PCDH15: variants seen among roughly 807,000 people sequenced by gnomAD.
The protein encoded by PCDH15 is protocadherin related 15.
Under a neutral mutation model 178.5 loss-of-function variants are expected in PCDH15, and 129 were observed. The observed-to-expected ratio is 0.72, with a 90% CI of 0.63 to 0.84. The LOEUF is 0.84. Ranked by LOEUF, PCDH15 falls within the 40% of genes least tolerant of loss-of-function variation. PCDH15 has a pLI of 0.00. For missense variants in PCDH15, 2,230 were observed against 2,099.9 expected (o/e 1.06, Z -1.21); for synonymous variants, 800 against 732.0 (o/e 1.09, Z -1.50).
chr10:54,271,241 CGCTCTG>C (rs1229564157), intron 8 of PCDH15, among the ~76,000 whole-genome samples: 1 of 152,034 alleles, frequency 6.6e-6, no homozygotes, highest in Non-Finnish European at 1.5e-5. Context: ...GACAGAGTGT[CGCTCTG>C]TCACCTAGGC....
At chr10:54,344,176 T>G (rs548764693) in intron 6 of PCDH15, among the ~76,000 whole-genome samples, 46 of 152,316 alleles carry the variant, frequency 3.0e-4, no homozygotes, top group African/African-American at 1.1e-3. Context: ...CTTCAATACA[T>G]CCTAAGTTAA....
At chr10:54,223,783 A>G (rs11004148) in intron 9 of PCDH15, among the ~76,000 whole-genome samples, 8,289 of 152,060 alleles carry the variant, frequency 0.055, 557 homozygotes, top group African/African-American at 0.17. Context: ...CATCTAGAGG[A>G]AAGGCCCTCT....
At chr10:54,678,602 C>T (rs2152565) in intron 1 of PCDH15, among the ~76,000 whole-genome samples, 97,406 of 151,896 alleles carry the variant, frequency 0.64, 31,714 homozygotes, top group Non-Finnish European at 0.68. Flanking sequence ...GCATGACAAA[C>T]GTTCCCTGTA....
chr10:54,768,617 A>G (rs1948763949), intron 1 of PCDH15, among the ~76,000 whole-genome samples: 1 of 152,172 alleles, frequency 6.6e-6, no homozygotes, highest in Admixed American at 6.5e-5. Flanking sequence ...GAAGTGAAGG[A>G]CACCCCATAT....
chr10:54,666,813 C>G (rs1405551604), intron 1 of PCDH15, among the ~76,000 whole-genome samples: 1 of 151,934 alleles, frequency 6.6e-6, no homozygotes, highest in African/African-American at 2.4e-5. Flanking sequence ...GATCTGCCAG[C>G]TTGACTTCCT....
intron 3 of PCDH15, among the ~76,000 whole-genome samples, chr10:54,885,437 G>A (rs887105773): frequency 4.6e-5 from 7 of 151,936 alleles, no homozygotes; most frequent in African/African-American, 1.7e-4. Context: ...CTGGGAAGAA[G>A]GCAGAGGTTT....
intron 2 of PCDH15, among the ~76,000 whole-genome samples, chr10:55,422,323 T>C (rs1309785391): frequency 6.6e-6 from 1 of 151,842 alleles, no homozygotes; most frequent in African/African-American, 2.4e-5. Flanking sequence ...AGAATCCTTA[T>C]AAAATGAAGA....
intron 35 of PCDH15, among the ~76,000 whole-genome samples, chr10:53,812,895 A>G (rs1406177173): frequency 2.0e-5 from 3 of 152,178 alleles, no homozygotes; most frequent in Non-Finnish European, 4.4e-5. Context: ...ATGAGTCAGG[A>G]AATAAAAAGC....
At chr10:54,436,043 AGAG>A (rs2136079881) in intron 3 of PCDH15, among the ~76,000 whole-genome samples, 37 of 136,972 alleles carry the variant, frequency 2.7e-4, no homozygotes, top group African/African-American at 1.1e-3. Flanking sequence ...AGAGAGAGAG[AGAG>A]AGAGAAAAGA....
At chr10:55,545,425 G>A (rs1467660965) in intron 2 of PCDH15, among the ~76,000 whole-genome samples, 5 of 151,974 alleles carry the variant, frequency 3.3e-5, no homozygotes, top group African/African-American at 4.8e-5. Context: ...ACAGGTGCAC[G>A]CTGCCACACC....
intron 2 of PCDH15, among the ~76,000 whole-genome samples, chr10:54,995,386 C>T (rs1451690884): frequency 3.4e-5 from 2 of 58,420 alleles, no homozygotes; most frequent in Non-Finnish European, 6.1e-5. Flanking sequence ...AGCGAGACTC[C>T]GTCTCAAAAA....
Position 53,996,026 on chromosome 10 carries a change from G to A in PCDH15, c.2752-261C>T, listed in dbSNP as rs565979374. Among the ~76,000 whole-genome samples, 5 of 152,252 alleles carry A rather than the reference G, an allele frequency of 3.3e-5. No homozygotes were observed. In the East Asian group the frequency reaches 9.6e-4, roughly 29 times the overall value. Reference sequence around the variant, plus strand: ...CACCCTCAAAAACATGCCTTTTGGAGACTGAAGTGACCCTGGAATTTTTTT... The same window carrying A: ...CACCCTCAAAAACATGCCTTTTGGAAACTGAAGTGACCCTGGAATTTTTTT... On this transcript the variant is annotated intron_variant, in intron 20 of 37. Coordinates refer to ENST00000644397, the MANE Select transcript of PCDH15 (RefSeq NM_001384140.1).
intron 19 of PCDH15, among the ~76,000 whole-genome samples, chr10:54,021,333 T>G (rs1188467303): frequency 6.6e-6 from 1 of 152,040 alleles, no homozygotes. Flanking sequence ...AAACACCTCC[T>G]ATGGTGAACC....
chr10:54,807,844 GC>G (rs1952802927), intron 3 of PCDH15, among the ~76,000 whole-genome samples: 1 of 150,996 alleles, frequency 6.6e-6, no homozygotes, highest in Non-Finnish European at 1.5e-5. Context: ...TTATTTTTAG[GC>G]TGTAAATTAT....
intron 2 of PCDH15, among the ~76,000 whole-genome samples, chr10:55,451,226 T>C (rs968041222): frequency 2.0e-4 from 31 of 151,938 alleles, no homozygotes; most frequent in Admixed American, 6.6e-5. Flanking sequence ...GGGCCAAGCG[T>C]GGTGGCTCAC....
Position 54,984,738 on chromosome 10 carries a change from C to T in PCDH15, c.-79-87238G>A, listed in dbSNP as rs117926154. 2.0e-4 allele frequency among the ~76,000 whole-genome samples: 30 copies of T among 152,152 alleles called. 1 individual carries two copies. In the East Asian group the frequency reaches 4.1e-3, roughly 21 times the overall value. ...CTGTAGTCCCAACTACTCAAGAGGC[C>T]GAGGCAGAAGGATCCCTTGAACCAA... On this transcript the variant is annotated intron_variant, in intron 2 of 5. Coordinates refer to the PCDH15 transcript ENST00000458638.
At chr10:54,588,038 T>C (rs2091622245) in intron 2 of PCDH15, among the ~76,000 whole-genome samples, 1 of 152,210 alleles carries the variant, frequency 6.6e-6, no homozygotes, top group Non-Finnish European at 1.5e-5. Flanking sequence ...ATATTTATTC[T>C]TGATTATTAA....
intron 17 of PCDH15, among the ~76,000 whole-genome samples, chr10:54,073,322 T>C (rs2094282430): frequency 6.6e-6 from 1 of 151,780 alleles, no homozygotes; most frequent in Non-Finnish European, 1.5e-5. Flanking sequence ...AAGATTCACA[T>C]ATATGACTTA....
At chr10:54,743,857 G>A (rs1945133092) in intron 1 of PCDH15, among the ~76,000 whole-genome samples, 1 of 151,784 alleles carries the variant, frequency 6.6e-6, no homozygotes, top group Non-Finnish European at 1.5e-5. Flanking sequence ...TCTAACACAA[G>A]GAATTTTATT....
Sources: allele counts gnomAD v4.1 joint callset (sites outside exome capture counted in the v4.1 genomes callset), GRCh38; gene constraint gnomAD v4.1.1; transcripts MANE v1.5; gene names NCBI Gene and HGNC (gene_info 2026-07-23, HGNC 2026-07-21).